BMPR1A: variants seen among roughly 807,000 people sequenced by gnomAD.
BMPR1A encodes the protein bone morphogenetic protein receptor type 1A, also known as bone morphogenetic protein receptor type-1A.
BMPR1A carries 7 observed loss-of-function variants against 66.0 expected under a neutral mutation model. The observed-to-expected ratio is 0.11, with a 90% CI of 0.06 to 0.20. BMPR1A has a LOEUF of 0.20. Among genes scored for constraint, BMPR1A ranks in the 10% least tolerant of loss-of-function variants. The pLI is 1.00. For synonymous variants in BMPR1A, 200 were observed against 229.7 expected, an observed-to-expected ratio of 0.87 and a Z score of 1.17; for missense variants, 408 against 669.1, an observed-to-expected ratio of 0.61 and a Z score of 4.31.
intron 1 of BMPR1A, among the ~76,000 whole-genome samples, chr10:86,797,375 C>T (rs1034010843): frequency 6.6e-6 from 1 of 151,856 alleles, no homozygotes; most frequent in African/African-American, 2.4e-5. Flanking sequence ...GGATTACAGG[C>T]GCCCACCACT....
chr10:86,892,988 C>A (rs1451161494), intron 5 of BMPR1A, among the ~76,000 whole-genome samples: 2 of 151,236 alleles, frequency 1.3e-5, no homozygotes, highest in Admixed American at 1.3e-4. Flanking sequence ...GCTAACGTTT[C>A]TTTAAAAATA....
At chr10:86,764,426 T>C (rs1841131023) in intron 1 of BMPR1A, among the ~76,000 whole-genome samples, 1 of 152,236 alleles carries the variant, frequency 6.6e-6, no homozygotes, top group African/African-American at 2.4e-5. Context: ...GACAGATTAT[T>C]CTTCCTTCAT....
At chr10:86,902,295 T>C (rs1843323265) in intron 7 of BMPR1A, among the ~76,000 whole-genome samples, 2 of 152,206 alleles carry the variant, frequency 1.3e-5, no homozygotes, top group Non-Finnish European at 2.9e-5. Context: ...GATTTTTTTC[T>C]CTTTGATTTA....
chr10:86,909,483 T>G (rs563906037), intron 7 of BMPR1A, among the ~76,000 whole-genome samples: 8 of 151,854 alleles, frequency 5.3e-5, no homozygotes, highest in Non-Finnish European at 2.9e-5. Context: ...TCCCAGCTAC[T>G]TGGGGTTCCC....
At chr10:86,766,003 T>TTTTTTTTTTTTG (rs1216917042) in intron 1 of BMPR1A, among the ~76,000 whole-genome samples, 1 of 150,960 alleles carries the variant, frequency 6.6e-6, no homozygotes, top group African/African-American at 2.4e-5. Context: ...TTTTTTTTTT[T>TTTTTTTTTTTTG]GAGGGAAGGT....
At chr10:86,839,156 T>C (rs1330581504) in intron 2 of BMPR1A, among the ~76,000 whole-genome samples, 177 bp downstream of exon 2, 1 of 152,224 alleles carries the variant, frequency 6.6e-6, no homozygotes, top group Non-Finnish European at 1.5e-5. Context: ...CATAAGTAAT[T>C]CTAATATATA....
chr10:86,882,664 A>G (rs542228929), intron 3 of BMPR1A, among the ~76,000 whole-genome samples: 1 of 143,336 alleles, frequency 7.0e-6, no homozygotes, highest in East Asian at 2.0e-4. Context: ...ACTTTTAGGA[A>G]AAAAAAAAAA....
chr10:86,773,935 G>C (rs35398300), intron 1 of BMPR1A, among the ~76,000 whole-genome samples: 36,509 of 148,986 alleles, frequency 0.25, 7,711 homozygotes, highest in African/African-American at 0.58. Flanking sequence ...ACTGCAACCT[G>C]TGCCTCCTGG....
intron 3 of BMPR1A, among the ~76,000 whole-genome samples, chr10:86,888,947 AGTAG>A (rs1172145935): frequency 1.3e-5 from 2 of 152,000 alleles, no homozygotes; most frequent in Non-Finnish European, 2.9e-5. Context: ...TTGTCTTTTC[AGTAG>A]TTTATCTCAT....
chr10:86,883,627 C>T (rs573665821), intron 3 of BMPR1A, among the ~76,000 whole-genome samples: 10 of 149,068 alleles, frequency 6.7e-5, no homozygotes, highest in East Asian at 2.1e-4. Flanking sequence ...AAAAATTAGC[C>T]GGGCGTGGTG....
At chr10:86,790,180 AAAAAAAAAATATATATATAT>A (rs1841585186) in intron 1 of BMPR1A, among the ~76,000 whole-genome samples, 3 of 43,612 alleles carry the variant, frequency 6.9e-5, no homozygotes, top group African/African-American at 1.5e-4. Flanking sequence ...AAAAAAAAAA[AAAAAAAAAATATATATATAT>A]ATATATATAT....
At chr10:86,763,207 A>G (rs1439877718) in intron 1 of BMPR1A, among the ~76,000 whole-genome samples, 1 of 152,158 alleles carries the variant, frequency 6.6e-6, no homozygotes, top group Non-Finnish European at 1.5e-5. Flanking sequence ...AGTATTCGGT[A>G]AAGTGAGCAG....
At chr10:86,806,990 A>G (rs1459538694) in intron 1 of BMPR1A, among the ~76,000 whole-genome samples, 1 of 151,854 alleles carries the variant, frequency 6.6e-6, no homozygotes, top group East Asian at 1.9e-4. Context: ...TCTTTATGCC[A>G]TAGTGATGTT....
intron 1 of BMPR1A, among the ~76,000 whole-genome samples, chr10:86,760,248 C>CTTTTTTTTTTTTT (rs60211336): frequency 4.1e-4 from 7 of 17,006 alleles, no homozygotes; most frequent in Non-Finnish European, 6.6e-4. Flanking sequence ...TTCTTTCTTT[C>CTTTTTTTTTTTTT]TTTTTTTTTT....
chr10:86,787,895 A>G (rs890808564), intron 1 of BMPR1A, among the ~76,000 whole-genome samples: 2 of 151,112 alleles, frequency 1.3e-5, no homozygotes, highest in Admixed American at 1.3e-4. Flanking sequence ...CCCCCCCATA[A>G]TCCAATCATC....
At chr10:86,879,081 T>A (rs1014917057) in intron 3 of BMPR1A, among the ~76,000 whole-genome samples, 1 of 152,138 alleles carries the variant, frequency 6.6e-6, no homozygotes, top group African/African-American at 2.4e-5. Context: ...ACAGGAAGTC[T>A]GTATATAAGG....
rs575800503 is a variant in BMPR1A, at chr10:86,877,845, C to G, written c.67+1760C>G. On this transcript the variant is annotated intron_variant, in intron 3 of 12. Coordinates refer to ENST00000372037, the MANE Select transcript of BMPR1A (RefSeq NM_004329.3). Reference sequence around the variant, plus strand: ...AAATTTTTTTAAAATCTGTTTAGATCACACGTAGGCAATATGATACAAAAT... The same window carrying G: ...AAATTTTTTTAAAATCTGTTTAGATGACACGTAGGCAATATGATACAAAAT... Among the ~76,000 whole-genome samples, 13 of 152,212 alleles carry G rather than the reference C, an allele frequency of 8.5e-5. 1 individual carries two copies. The South Asian group carries it at 2.5e-3, about 29-fold the overall frequency.
intron 2 of BMPR1A, among the ~76,000 whole-genome samples, chr10:86,856,643 T>A (rs1213831270): frequency 6.6e-6 from 1 of 152,228 alleles, no homozygotes; most frequent in Admixed American, 6.5e-5. Context: ...GTATTATGTT[T>A]AAATATTTTA....
intron 1 of BMPR1A, among the ~76,000 whole-genome samples, chr10:86,776,405 G>A (rs1364165640): frequency 1.3e-5 from 2 of 152,088 alleles, no homozygotes; most frequent in Non-Finnish European, 1.5e-5. Flanking sequence ...TTCAAAGTTC[G>A]GTTAGTGAAA....
Sources: allele counts gnomAD v4.1 joint callset (sites outside exome capture counted in the v4.1 genomes callset), GRCh38; gene constraint gnomAD v4.1.1; transcripts MANE v1.5; gene names NCBI Gene and HGNC (gene_info 2026-07-23, HGNC 2026-07-21).